Variants in GRID1 observed in about 807,000 individuals in gnomAD.
GRID1 encodes glutamate receptor ionotropic, delta-1.
Under a neutral mutation model 98.0 loss-of-function variants are expected in GRID1, and 28 were observed. That is an observed-to-expected ratio of 0.29 (90% CI 0.21 to 0.39). GRID1 has a LOEUF of 0.39. GRID1 is among the 10% of genes least tolerant of loss of function. The pLI is 1.00. For missense variants in GRID1, 1,111 were observed against 1,340.5 expected (o/e 0.83, Z 2.67); for synonymous variants, 553 against 538.5 (o/e 1.03, Z -0.37).
chr10:85,925,026 G>A (rs1367908238), intron 4 of GRID1, among the ~76,000 whole-genome samples: 2 of 152,194 alleles, frequency 1.3e-5, no homozygotes, highest in Non-Finnish European at 2.9e-5. Context: ...AATTTATAAG[G>A]AAACGTTAAT....
At chr10:86,274,108 T>G (rs1216147346) in intron 2 of GRID1, among the ~76,000 whole-genome samples, 3 of 152,204 alleles carry the variant, frequency 2.0e-5, no homozygotes, top group Non-Finnish European at 4.4e-5. Flanking sequence ...AAGGAAGGGA[T>G]CCAGTTTCAG....
chr10:86,348,276 T>A (rs1292569434), intron 2 of GRID1, among the ~76,000 whole-genome samples: 14 of 152,188 alleles, frequency 9.2e-5, no homozygotes, highest in Non-Finnish European at 2.1e-4. Context: ...GCTCACAGAC[T>A]TCAAAGGTGC....
chr10:86,360,666 C>G lies in GRID1; in HGVS notation c.235+3275G>C, dbSNP rs753592620. On this transcript the variant is annotated intron_variant, in intron 2 of 15. Coordinates refer to ENST00000327946, the MANE Select transcript of GRID1 (RefSeq NM_017551.3). ...GGGTCAAGGAACGGAAAGGGAATTACTGTTTACAGAACACCCACCGCAGGC... is the reference window on the plus strand; with the variant it reads ...GGGTCAAGGAACGGAAAGGGAATTAGTGTTTACAGAACACCCACCGCAGGC... Among the ~76,000 whole-genome samples the G allele has an allele frequency of 9.8e-5, 15 of 152,320 alleles. No individual in the cohort carries two copies. In the Middle Eastern group the frequency reaches 0.01, roughly 104 times the overall value.
At chr10:86,126,167 G>A (rs1844749045) in intron 4 of GRID1, among the ~76,000 whole-genome samples, 1 of 152,190 alleles carries the variant, frequency 6.6e-6, no homozygotes, top group Non-Finnish European at 1.5e-5. Context: ...GAAAGAAACA[G>A]GAACTCGGCC....
At chr10:85,917,100 T>C (rs1379839126) in intron 4 of GRID1, among the ~76,000 whole-genome samples, 5 of 152,290 alleles carry the variant, frequency 3.3e-5, no homozygotes, top group South Asian at 2.1e-4. Flanking sequence ...TCTCCTTCAA[T>C]TGAAAAGCCA....
intron 15 of GRID1, among the ~76,000 whole-genome samples, chr10:85,604,038 A>G (rs188583358): frequency 9.8e-5 from 15 of 152,294 alleles, no homozygotes; most frequent in Middle Eastern, 3.4e-3. Flanking sequence ...CACCCCCAGA[A>G]GTTCAACTGA....
At chr10:85,912,390 G>C (rs1297698131) in intron 5 of GRID1, among the ~76,000 whole-genome samples, 1 of 152,202 alleles carries the variant, frequency 6.6e-6, no homozygotes. Flanking sequence ...CTTCCTCTGC[G>C]TGCAATTATT....
At chr10:86,014,193 G>A (rs969127811) in intron 4 of GRID1, among the ~76,000 whole-genome samples, 2 of 152,196 alleles carry the variant, frequency 1.3e-5, no homozygotes, top group Admixed American at 6.5e-5. Flanking sequence ...ATGCTGTATG[G>A]AACTCACACA....
chr10:86,135,186 G>T lies in GRID1; in HGVS notation c.726+3633C>A, dbSNP rs374407745. On this transcript the variant is annotated intron_variant, in intron 4 of 15. Transcript: ENST00000327946. Reference sequence around the variant, plus strand: ...GGGCTTGCATGAGGAGAACATCATAGGTAGTTGTCACTGTGCACTGAAGTC... The same window carrying T: ...GGGCTTGCATGAGGAGAACATCATATGTAGTTGTCACTGTGCACTGAAGTC... 8.5e-4 allele frequency among the ~76,000 whole-genome samples: 130 copies of T among 152,348 alleles called. 1 individual carries two copies. The highest frequency in any genetic ancestry group is 6.8e-3 in the Middle Eastern group (2 of 294).
chr10:86,232,485 T>C (rs753329966), intron 2 of GRID1, among the ~76,000 whole-genome samples: 5 of 152,150 alleles, frequency 3.3e-5, no homozygotes, highest in African/African-American at 4.8e-5. Flanking sequence ...CAGCTGCCTC[T>C]CCTGTTGTAT....
chr10:85,620,092 T>C (rs559476294), intron 13 of GRID1, 59 bp from the exon 14 acceptor site: 21 of 1,439,024 alleles, frequency 1.5e-5, no homozygotes, highest in South Asian at 1.2e-4. Flanking sequence ...TCAGCTTTGA[T>C]TGGTGAGCCA....
chr10:85,977,255 C>T (rs1842484564), intron 4 of GRID1, among the ~76,000 whole-genome samples: 2 of 152,214 alleles, frequency 1.3e-5, no homozygotes, highest in Non-Finnish European at 2.9e-5. Context: ...AGCTTTCCTT[C>T]CATCCTAAAG....
chr10:85,954,548 T>A (rs539157207), intron 4 of GRID1, among the ~76,000 whole-genome samples: 15 of 152,316 alleles, frequency 9.8e-5, no homozygotes, highest in African/African-American at 3.6e-4. Context: ...AAAGGAATCA[T>A]TATAAAAGGG....
intron 4 of GRID1, among the ~76,000 whole-genome samples, chr10:86,019,730 G>A (rs76597097): frequency 0.032 from 4,847 of 152,320 alleles, 229 homozygotes; most frequent in African/African-American, 0.1. Context: ...ATAGTGGCAG[G>A]TCAGGATTCA....
chr10:85,749,507 C>T (rs1242842689), intron 8 of GRID1, among the ~76,000 whole-genome samples: 2 of 152,180 alleles, frequency 1.3e-5, no homozygotes, highest in African/African-American at 2.4e-5. Context: ...ACATCCCCTA[C>T]ATAGGACACA....
chr10:85,619,637 C>T (rs1191724917), intron 14 of GRID1, among the ~76,000 whole-genome samples: 1 of 152,138 alleles, frequency 6.6e-6, no homozygotes, highest in African/African-American at 2.4e-5. Flanking sequence ...CTGGCATTAC[C>T]TGCTCCTATC....
chr10:85,753,775 G>C (rs1214016273), intron 8 of GRID1, among the ~76,000 whole-genome samples: 2 of 152,190 alleles, frequency 1.3e-5, no homozygotes, highest in Non-Finnish European at 2.9e-5. Flanking sequence ...CTCCCACGGG[G>C]AATAGGAAGG....
intron 4 of GRID1, among the ~76,000 whole-genome samples, chr10:86,127,653 C>T (rs568918721): frequency 2.0e-5 from 3 of 152,270 alleles, no homozygotes; most frequent in East Asian, 1.9e-4. Flanking sequence ...GGCTGGAGAT[C>T]GTGAGCACTT....
chr10:86,024,387 G>A (rs1843089396), intron 4 of GRID1, among the ~76,000 whole-genome samples: 2 of 152,090 alleles, frequency 1.3e-5, no homozygotes, highest in Admixed American at 1.3e-4. Context: ...AGAGTGCAGG[G>A]GCCTCTCTGT....
Sources: gnomAD v4.1 joint callset for allele counts (sites outside exome capture counted in the v4.1 genomes callset) on GRCh38, gnomAD v4.1.1 for gene constraint, MANE v1.5 for transcripts, NCBI Gene and HGNC (gene_info 2026-07-23, HGNC 2026-07-21) for gene names.